TENM4: variants seen among roughly 807,000 people sequenced by gnomAD.
TENM4 encodes the protein teneurin-4.
In TENM4, 82 loss-of-function variants were observed where a neutral mutation model predicts 243.3. The observed-to-expected ratio is 0.34, with a 90% CI of 0.28 to 0.40. TENM4 has a LOEUF of 0.40. TENM4 is among the 10% of genes least tolerant of loss of function. TENM4 has a pLI of 1.00. For missense variants in TENM4, 3,138 were observed against 3,673.3 expected (o/e 0.85, Z 3.77); for synonymous variants, 1,412 against 1,456.3 (o/e 0.97, Z 0.69).
intron 6 of TENM4, among the ~76,000 whole-genome samples, chr11:79,018,707 G>A (rs906723456): frequency 6.6e-6 from 1 of 152,126 alleles, no homozygotes; most frequent in Non-Finnish European, 1.5e-5. Flanking sequence ...GGTTTAATAT[G>A]TGCATTGTGA....
At chr11:79,408,329 T>C (rs1244879454) in intron 1 of TENM4, among the ~76,000 whole-genome samples, 1 of 152,244 alleles carries the variant, frequency 6.6e-6, no homozygotes, top group Non-Finnish European at 1.5e-5. Flanking sequence ...CAGGTGAAGC[T>C]GATGCTGCTG....
intron 1 of TENM4, among the ~76,000 whole-genome samples, chr11:79,339,773 G>A (rs1857212071): frequency 6.6e-6 from 1 of 152,150 alleles, no homozygotes; most frequent in African/African-American, 2.4e-5. Context: ...GAGGAGAAAA[G>A]GGAGGAGAGG....
chr11:78,999,701 T>C (rs962763892), intron 6 of TENM4, among the ~76,000 whole-genome samples: 17 of 151,930 alleles, frequency 1.1e-4, no homozygotes, highest in African/African-American at 3.1e-4. Context: ...AACAGGAAAG[T>C]GTGACCCATA....
At chr11:78,787,349 A>C (rs117575832) in intron 15 of TENM4, among the ~76,000 whole-genome samples, 1,578 of 152,274 alleles carry the variant, frequency 0.01, 11 homozygotes, top group South Asian at 0.047. Flanking sequence ...CCCCACCAAA[A>C]GAGGAAGGAT....
intron 15 of TENM4, among the ~76,000 whole-genome samples, chr11:78,804,610 C>G (rs1336543431): frequency 6.6e-6 from 1 of 152,136 alleles, no homozygotes; most frequent in Non-Finnish European, 1.5e-5. Flanking sequence ...CATAATTATC[C>G]TTTGTACCTT....
intron 12 of TENM4, among the ~76,000 whole-genome samples, chr11:78,848,786 G>T (rs1172091255): frequency 3.3e-5 from 5 of 152,152 alleles, no homozygotes; most frequent in African/African-American, 7.2e-5. Flanking sequence ...CTCAGCTTGG[G>T]AAAGAGCAAG....
At chr11:78,712,855 TC>T in intron 25 of TENM4, 141 bp from the exon 26 acceptor site, 1 of 792,454 alleles carries the variant, frequency 1.3e-6, no homozygotes, top group Non-Finnish European at 2.0e-6. Flanking sequence ...GGGTGATGGT[TC>T]CCCAATTTTT....
In TENM4 at chr11:79,069,883, C is replaced by T. The variant is rs1565191212; in HGVS notation, c.62G>A (p.Arg21His). 2.6e-6 allele frequency: 4 copies of T among 1,549,066 alleles called. No homozygotes were observed. The highest frequency in any genetic ancestry group is 2.4e-5 in the South Asian group (2 of 84,026). Residue 21 changes from arginine to histidine, a missense_variant, in exon 5 of 34, where the codon CGC becomes CAC. By Grantham distance (29) the Arg-to-His change is conservative. Transcript: ENST00000278550. ...SLTRRRDAER[R>H]YTSSSADSEE... ...GCTGTCCGCGGACGAGCTGGTGTAG[C>T]GGCGCTCGGCGTCGCGGCGCCGGGT...
At chr11:78,878,368 C>T (rs1003160477) in intron 9 of TENM4, among the ~76,000 whole-genome samples, 11 of 152,104 alleles carry the variant, frequency 7.2e-5, no homozygotes, top group East Asian at 3.9e-4. Context: ...AGATATTAAA[C>T]GATCCACGTC....
At chr11:79,202,383 T>C (rs1057156384) in intron 3 of TENM4, among the ~76,000 whole-genome samples, 5 of 152,214 alleles carry the variant, frequency 3.3e-5, no homozygotes, top group Admixed American at 2.0e-4. Context: ...ATCTTTTTTT[T>C]CCCTCCTATA....
At chr11:79,186,309 G>A (rs377230842) in intron 3 of TENM4, among the ~76,000 whole-genome samples, 15 of 152,176 alleles carry the variant, frequency 9.9e-5, no homozygotes, top group South Asian at 6.2e-4. Flanking sequence ...ACAGCCTCCC[G>A]CCCTGAGCAC....
chr11:79,119,773 C>G (rs1861703142), intron 4 of TENM4, among the ~76,000 whole-genome samples: 1 of 152,202 alleles, frequency 6.6e-6, no homozygotes, highest in Non-Finnish European at 1.5e-5. Context: ...GCCCGCCCCT[C>G]TACTCTCTCC....
chr11:79,329,954 A>T (rs1397032792), intron 1 of TENM4, among the ~76,000 whole-genome samples: 1 of 152,236 alleles, frequency 6.6e-6, no homozygotes, highest in African/African-American at 2.4e-5. Context: ...GGCAAGGCTG[A>T]GCAGAACCTG....
At chr11:79,286,023 AT>A (rs886655393) in intron 2 of TENM4, among the ~76,000 whole-genome samples, 9 of 152,186 alleles carry the variant, frequency 5.9e-5, no homozygotes, top group African/African-American at 1.9e-4. Flanking sequence ...AAAAGGGTAA[AT>A]TTTATAGCAC....
Position 79,185,496 on chromosome 11 carries a change from A to G in TENM4, c.-163+30312T>C, listed in dbSNP as rs1863365139. On this transcript the variant is annotated intron_variant, in intron 3 of 33. Transcript: ENST00000278550. ...CAACAGGATAACTGGGCCCAGTTAA[A>G]TCACCAGCCAATTTTCATATTGTAT... 2.6e-5 allele frequency among the ~76,000 whole-genome samples: 4 copies of G among 152,218 alleles called. No homozygotes were observed. The South Asian group carries it at 8.3e-4, about 32-fold the overall frequency.
intron 1 of TENM4, among the ~76,000 whole-genome samples, chr11:79,317,678 C>T (rs973791942): frequency 4.6e-5 from 7 of 152,174 alleles, no homozygotes; most frequent in African/African-American, 1.4e-4. Context: ...AGAATCTGAA[C>T]TGCAGCATGT....
chr11:79,430,853 T>C lies in TENM4; in HGVS notation c.-321+9656A>G, dbSNP rs143912298. ...TACTACATGTAGAAATGTACTTAAATGGCCATAAAGAGAATTCAGTTTTAA... is the reference window on the plus strand; with the variant it reads ...TACTACATGTAGAAATGTACTTAAACGGCCATAAAGAGAATTCAGTTTTAA... On this transcript the variant is annotated intron_variant, in intron 1 of 33. Transcript: ENST00000278550. Among the ~76,000 whole-genome samples the C allele has an allele frequency of 4.4e-3, 663 of 152,300 alleles. 4 individuals carry two copies. Among genetic ancestry groups the C allele is most frequent in the African/African-American group, 0.015 (624 of 41,558 alleles).
intron 1 of TENM4, among the ~76,000 whole-genome samples, chr11:79,405,143 G>A (rs1377137957): frequency 3.3e-5 from 5 of 152,062 alleles, no homozygotes; most frequent in African/African-American, 9.7e-5. Context: ...TTCACTAGTA[G>A]TAATAATGAG....
intron 1 of TENM4, among the ~76,000 whole-genome samples, chr11:79,420,358 G>A (rs1858904920): frequency 1.3e-5 from 2 of 152,160 alleles, no homozygotes; most frequent in Admixed American, 1.3e-4. Context: ...AGCCCCTGCA[G>A]GACTCTCCAA....
Sources: allele counts gnomAD v4.1 joint callset (sites outside exome capture counted in the v4.1 genomes callset), GRCh38; gene constraint gnomAD v4.1.1; transcripts MANE v1.5; gene names NCBI Gene and HGNC (gene_info 2026-07-23, HGNC 2026-07-21).